The following DLGAP2 variants were observed in gnomAD, a reference collection of about 807,000 sequenced individuals.
DLGAP2 encodes DLG associated protein 2, also known as disks large-associated protein 2.
In DLGAP2, 26 loss-of-function variants were observed where a neutral mutation model predicts 100.3. The observed-to-expected ratio is 0.26, with a 90% confidence interval of 0.19 to 0.36. The LOEUF (loss-of-function observed/expected upper bound fraction) is 0.36, where lower values mean the gene tolerates loss of function less well. Ranked by LOEUF, DLGAP2 falls within the 10% of genes least tolerant of loss-of-function variation. DLGAP2 has a pLI of 1.00. For missense variants in DLGAP2, 1,858 were observed against 1,453.2 expected (o/e 1.28, Z -4.53); for synonymous variants, 886 against 630.1 (o/e 1.41, Z -6.08).
intron 2 of DLGAP2, among the ~76,000 whole-genome samples, chr8:1,099,480 C>T (rs1247402324): frequency 1.3e-5 from 2 of 152,238 alleles, no homozygotes; most frequent in Admixed American, 1.3e-4. Flanking sequence ...TCGGTGCCGA[C>T]CTCAGCCCTC....
chr8:1,547,423 G>A (rs1310446219), intron 4 of DLGAP2, among the ~76,000 whole-genome samples: 1 of 152,076 alleles, frequency 6.6e-6, no homozygotes, highest in Non-Finnish European at 1.5e-5. Context: ...CAGGGGGAGA[G>A]GGAGAGAGAG....
intron 1 of DLGAP2, among the ~76,000 whole-genome samples, chr8:777,805 T>C (rs974016789): frequency 6.6e-6 from 1 of 152,206 alleles, no homozygotes; most frequent in African/African-American, 2.4e-5. Context: ...GTTTTGACTT[T>C]GGTGAATCTG....
chr8:1,221,771 T>C (rs1798319372), intron 2 of DLGAP2, among the ~76,000 whole-genome samples: 1 of 152,208 alleles, frequency 6.6e-6, no homozygotes, highest in African/African-American at 2.4e-5. Context: ...TTCTCACATA[T>C]TTCTCAGAGG....
rs142663863 is a variant in DLGAP2 at position 981,169 on chromosome 8, G to A, written c.73+73203G>A. On this transcript the variant is annotated intron_variant, in intron 2 of 14. Transcript: ENST00000637795. ...ATATTTCATGTAAGTGAGATCATAC[G>A]GCATTTGTCCTTTGGTGCCTGGCTT... is the stretch of plus-strand genomic sequence containing the variant. 2.0e-5 allele frequency among the ~76,000 whole-genome samples: 3 copies of A among 152,186 alleles called. No individual in the cohort carries two copies. In the East Asian group the frequency reaches 5.8e-4, roughly 29 times the overall value.
chr8:994,024 G>A (rs35136703), intron 2 of DLGAP2, among the ~76,000 whole-genome samples: 7,291 of 152,172 alleles, frequency 0.048, 262 homozygotes, highest in Non-Finnish European at 0.07. Flanking sequence ...TTACACTCTA[G>A]CAGTGCACTT....
intron 3 of DLGAP2, among the ~76,000 whole-genome samples, chr8:1,298,980 T>C (rs1301597778): frequency 6.6e-6 from 1 of 152,194 alleles, no homozygotes; most frequent in South Asian, 2.1e-4. Context: ...TGGCTCGTGC[T>C]GAATGACCCA....
At chr8:1,093,646 C>G (rs1321211246) in intron 2 of DLGAP2, among the ~76,000 whole-genome samples, 1 of 152,092 alleles carries the variant, frequency 6.6e-6, no homozygotes, top group Non-Finnish European at 1.5e-5. Context: ...CACTTTCACA[C>G]TAATAGCCAG....
At chr8:1,279,813 A>G (rs551650943) in intron 3 of DLGAP2, among the ~76,000 whole-genome samples, 1 of 152,304 alleles carries the variant, frequency 6.6e-6, no homozygotes, top group Admixed American at 6.5e-5. Context: ...TCATCACCAC[A>G]TCACCCACTC....
chr8:1,157,430 C>G (rs993951033), intron 2 of DLGAP2, among the ~76,000 whole-genome samples: 2 of 152,146 alleles, frequency 1.3e-5, no homozygotes, highest in Non-Finnish European at 2.9e-5. Context: ...TAATTAGAAA[C>G]CAAATTTTGC....
At chr8:1,270,581 T>C (rs4495453) in intron 3 of DLGAP2, among the ~76,000 whole-genome samples, 119,969 of 152,138 alleles carry the variant, frequency 0.79, 47,365 homozygotes, top group Non-Finnish European at 0.81. Flanking sequence ...GCCATTAATT[T>C]GAAGTGGGGG....
intron 1 of DLGAP2, among the ~76,000 whole-genome samples, chr8:814,918 A>G (rs1223514956): frequency 6.6e-6 from 1 of 151,766 alleles, no homozygotes; most frequent in African/African-American, 2.4e-5. Context: ...AACTTGGTAG[A>G]TATTTATAGA....
At chr8:955,404 A>T (rs1306204632) in intron 2 of DLGAP2, among the ~76,000 whole-genome samples, 1 of 151,954 alleles carries the variant, frequency 6.6e-6, no homozygotes, top group Non-Finnish European at 1.5e-5. Context: ...TTGTGTGTCC[A>T]TTCATCCTCC....
intron 3 of DLGAP2, among the ~76,000 whole-genome samples, chr8:1,332,995 C>A (rs1296077157): frequency 1.3e-5 from 2 of 152,178 alleles, no homozygotes; most frequent in Non-Finnish European, 2.9e-5. Flanking sequence ...GGCCCCCCTT[C>A]CTCGAATGGT....
intron 7 of DLGAP2, among the ~76,000 whole-genome samples, chr8:1,631,297 G>C (rs1178142922): frequency 6.6e-6 from 1 of 152,018 alleles, no homozygotes; most frequent in Admixed American, 6.6e-5. Context: ...AGGGCAGCTG[G>C]GCCCTGGGTC....
At chr8:1,049,814 A>G (rs940044334) in intron 2 of DLGAP2, among the ~76,000 whole-genome samples, 10 of 152,232 alleles carry the variant, frequency 6.6e-5, no homozygotes, top group African/African-American at 2.2e-4. Flanking sequence ...AGGTGTGCAT[A>G]CGTGTACACA....
intron 2 of DLGAP2, among the ~76,000 whole-genome samples, chr8:1,003,585 G>A (rs932054157): frequency 3.9e-5 from 6 of 152,200 alleles, no homozygotes; most frequent in Non-Finnish European, 7.3e-5. Flanking sequence ...GTTCCTGATG[G>A]CCAAGGTTGC....
rs143436459 is a variant in DLGAP2, at chr8:1,655,213, C to G, written c.1811-13116C>G. On this transcript the variant is annotated intron_variant, in intron 8 of 14. Transcript: ENST00000637795. Reference sequence around the variant, plus strand: ...GCTTGTGGGATGTGACTTCTGTGTCCTGTCTGATTTATTCTTCTGTTTTGT... The same window carrying G: ...GCTTGTGGGATGTGACTTCTGTGTCGTGTCTGATTTATTCTTCTGTTTTGT... 1.4e-3 allele frequency among the ~76,000 whole-genome samples: 217 copies of G among 152,318 alleles called. 2 individuals carry two copies. In the South Asian group the frequency reaches 0.019, roughly 14 times the overall value.
intron 3 of DLGAP2, among the ~76,000 whole-genome samples, chr8:1,497,413 G>T (rs561129366): frequency 3.6e-4 from 55 of 152,166 alleles, no homozygotes; most frequent in Admixed American, 7.9e-4. Context: ...GTCTCAGAGC[G>T]CAGAGAGAGC....
chr8:778,580 T>G (rs1241314651), intron 1 of DLGAP2, among the ~76,000 whole-genome samples: 1 of 152,246 alleles, frequency 6.6e-6, no homozygotes, highest in Non-Finnish European at 1.5e-5. Context: ...GACCCTCAGC[T>G]GCAGGTCTTT....
Sources: gnomAD v4.1 joint callset for allele counts (sites outside exome capture counted in the v4.1 genomes callset) on GRCh38, gnomAD v4.1.1 for gene constraint, MANE v1.5 for transcripts, NCBI Gene and HGNC (gene_info 2026-07-23, HGNC 2026-07-21) for gene names.